Variants in EXOSC2 observed in about 807,000 individuals in gnomAD.
EXOSC2 encodes exosome component 2, also known as exosome complex component RRP4.
EXOSC2 carries 29 observed loss-of-function variants against 37.6 expected under a neutral mutation model. The ratio of observed to expected loss-of-function variants is 0.77; its 90% CI spans 0.57 to 1.05. The LOEUF (loss-of-function observed/expected upper bound fraction) is 1.05, where lower values mean the gene tolerates loss of function less well. Among genes scored for constraint, EXOSC2 ranks in the 50% least tolerant of loss-of-function variants. The pLI is 0.00. For synonymous variants in EXOSC2, 119 were observed against 131.1 expected (o/e 0.91, Z 0.63); for missense variants, 346 against 365.6 (o/e 0.95, Z 0.44).
At position 130,704,002 on chromosome 9, in the gene EXOSC2, G is replaced by C. The variant is rs1488467688; in HGVS notation, c.*228G>C. ...TTGCCAGCTGAGTCCCGGTATTAGGGAATAGTTTCAGCTCTTTCAAAGTGC... is the reference window on the plus strand; with the variant it reads ...TTGCCAGCTGAGTCCCGGTATTAGGCAATAGTTTCAGCTCTTTCAAAGTGC... On this transcript the variant is annotated 3_prime_UTR_variant, in exon 9 of 9. Coordinates refer to ENST00000372358, the MANE Select transcript of EXOSC2 (RefSeq NM_014285.7). 2.6e-6 allele frequency: 1 copy of C among 390,670 alleles called. No individual in the cohort carries two copies. Among genetic ancestry groups the C allele is most frequent in the African/African-American group, 2.1e-5 (1 of 48,628 alleles). 24.2% of individuals were successfully genotyped at this position (390,670 alleles called of 1,614,324 possible).
At chr9:130,700,156 A>G (rs1477457481) in intron 5 of EXOSC2, among the ~76,000 whole-genome samples, 1 of 151,014 alleles carries the variant, frequency 6.6e-6, no homozygotes, top group Admixed American at 6.6e-5. Flanking sequence ...CCAAATAGCT[A>G]GGATTACCGG....
At position 130,698,292 on chromosome 9, in the gene EXOSC2, G is replaced by A; in HGVS notation, c.360+41G>A. On this transcript the variant is annotated intron_variant, in intron 4 of 8. Coordinates refer to ENST00000372358, the MANE Select transcript of EXOSC2 (RefSeq NM_014285.7). This position sits in a 1 kb window ranked among gnomAD's most constrained non-coding sequence, Gnocchi z 4.1. ...GGGGCCATGGACTAGGGCCCAGTGG[G>A]CTGGGGGGAGCCGTGGGACCCTTTG... is the stretch of plus-strand genomic sequence containing the variant. The A allele has an allele frequency of 6.3e-7, 1 of 1,575,912 alleles. No homozygotes were observed. The highest frequency in any genetic ancestry group is 8.7e-7 in the Non-Finnish European group (1 of 1,147,298).
At chr9:130,701,669 C>G in intron 6 of EXOSC2, 2 of 952,492 alleles carry the variant, frequency 2.1e-6, no homozygotes, top group Non-Finnish European at 2.5e-6. Flanking sequence ...TTGAGCTGTC[C>G]TGCCAGGACC....
rs1396290352 is a variant in EXOSC2 at position 130,694,365 on chromosome 9, A to T, written c.122+452A>T. On this transcript the variant is annotated intron_variant, in intron 1 of 8. Coordinates refer to ENST00000372358, the MANE Select transcript of EXOSC2 (RefSeq NM_014285.7). The surrounding 1 kb of genome is among the most constrained non-coding windows in gnomAD (Gnocchi z 4.0). ...TTGTGCTGCATGCACCCATTTATACACATTTTGAATCTAAGGGGTGTAGTG... is the reference window on the plus strand; with the variant it reads ...TTGTGCTGCATGCACCCATTTATACTCATTTTGAATCTAAGGGGTGTAGTG... 6.6e-6 allele frequency among the ~76,000 whole-genome samples: 1 copy of T among 152,054 alleles called. No homozygotes were observed. The highest frequency in any genetic ancestry group is 6.6e-5 in the Admixed American group (1 of 15,262).
At chr9:130,703,280 T>C in intron 8 of EXOSC2, 99 bp downstream of exon 8, 1 of 1,390,910 alleles carries the variant, frequency 7.2e-7, no homozygotes, top group Non-Finnish European at 9.7e-7. Flanking sequence ...TTTCCCAACA[T>C]CCGTCAGTAT....
intron 2 of EXOSC2, among the ~76,000 whole-genome samples, chr9:130,696,792 T>A (rs2132629406): frequency 6.6e-6 from 1 of 151,650 alleles, no homozygotes; most frequent in African/African-American, 2.4e-5. Context: ...TCCTGGAGCG[T>A]GAGAGAGAGA....
rs752883972 is a variant in EXOSC2, at chr9:130,697,640, T to C, written c.270+13T>C. 6.8e-6 allele frequency: 11 copies of C among 1,613,564 alleles called. No homozygotes were observed. In the East Asian group the frequency reaches 8.9e-5, roughly 13 times the overall value. On this transcript the variant is annotated intron_variant, in intron 3 of 8. Coordinates refer to ENST00000372358, the MANE Select transcript of EXOSC2 (RefSeq NM_014285.7). ...ACGAATCACAGAGGTAACGTCGATA[T>C]CAGATTGGTGTTTACAAAGTCGAGG...
chr9:130,694,632 AT>A lies in EXOSC2; in HGVS notation c.122+726del, dbSNP rs1564254383. On this transcript the variant is annotated intron_variant, in intron 1 of 8. Transcript: ENST00000372358. This position sits in a 1 kb window ranked among gnomAD's most constrained non-coding sequence, Gnocchi z 4.0. Reference sequence around the variant, plus strand: ...TAGTGTTTCAACCTTTATTATTATTATTTTTTTACTTGTATATGTACAAGGG... The same window carrying A: ...TAGTGTTTCAACCTTTATTATTATTATTTTTTACTTGTATATGTACAAGGG... Among the ~76,000 whole-genome samples, 1 of 152,038 alleles carries A rather than the reference AT, an allele frequency of 6.6e-6. No homozygotes were observed. The highest frequency in any genetic ancestry group is 1.5e-5 in the Non-Finnish European group (1 of 67,988).
At position 130,695,479 on chromosome 9, in the gene EXOSC2, C is replaced by T. The variant is rs754110717; in HGVS notation, c.123-13C>T. 27 of 1,607,208 alleles carry T rather than the reference C, an allele frequency of 1.7e-5. No homozygotes were observed. Among genetic ancestry groups the T allele is most frequent in the East Asian group, 2.2e-5 (1 of 44,860 alleles). ...CCCTCGTATCCTTTCTTTGTATCTT[C>T]GCCTTGCATCAGGGGCCATGGAACG... On this transcript the variant is annotated splice_polypyrimidine_tract_variant and intron_variant, in intron 1 of 8. Coordinates refer to ENST00000372358, the MANE Select transcript of EXOSC2 (RefSeq NM_014285.7).
At chr9:130,700,318 C>T (rs1831184799) in intron 5 of EXOSC2, among the ~76,000 whole-genome samples, 1 of 149,620 alleles carries the variant, frequency 6.7e-6, no homozygotes, top group Non-Finnish European at 1.5e-5. Context: ...CATGCCTGGC[C>T]TCTGTCTTTA....
At chr9:130,701,856 T>C (rs1179976847) in intron 6 of EXOSC2, 2 of 1,185,276 alleles carry the variant, frequency 1.7e-6, no homozygotes, top group East Asian at 4.6e-5. Flanking sequence ...TTCTCTAATG[T>C]CTGGCACATG....
Position 130,698,182 on chromosome 9 carries a change from G to A in EXOSC2, c.291G>A (p.Lys97=). 1 of 1,614,148 alleles carries A rather than the reference G, an allele frequency of 6.2e-7. No individual in the cohort carries two copies. The highest frequency in any genetic ancestry group is 8.5e-7 in the Non-Finnish European group (1 of 1,180,022). Residue 97 remains lysine (K), a synonymous_variant, in exon 4 of 9, where the codon AAG becomes AAA. Transcript: ENST00000372358. This position sits in a 1 kb window ranked among gnomAD's most constrained non-coding sequence, Gnocchi z 4.1. ...RITEVQQKRW[K]VETNSRLDSV... ...TATAGGTTCAACAGAAGAGGTGGAA[G>A]GTGGAGACCAACTCCAGGCTGGATT... is the stretch of plus-strand genomic sequence containing the variant.
At chr9:130,699,460 T>C in intron 5 of EXOSC2, 66 bp downstream of exon 5, 2 of 1,451,510 alleles carry the variant, frequency 1.4e-6, no homozygotes, top group South Asian at 1.1e-5. Flanking sequence ...GGGCCTTCCA[T>C]TGTATGTCTC....
rs1831046287 is a variant in EXOSC2 at position 130,694,383 on chromosome 9, G to A, written c.122+470G>A. On this transcript the variant is annotated intron_variant, in intron 1 of 8. Transcript: ENST00000372358. This position sits in a 1 kb window ranked among gnomAD's most constrained non-coding sequence, Gnocchi z 4.0. ...TTTATACACATTTTGAATCTAAGGG[G>A]TGTAGTGCAGTGTATTGTGGTTAAG... 6.6e-6 allele frequency among the ~76,000 whole-genome samples: 1 copy of A among 152,168 alleles called. No homozygotes were observed. The highest frequency in any genetic ancestry group is 2.4e-5 in the African/African-American group (1 of 41,416).
rs1449782003 is a variant in EXOSC2, at chr9:130,701,052, G to T, written c.495+117G>T. 5.7e-5 allele frequency: 52 copies of T among 907,506 alleles called. 1 individual carries two copies. The East Asian group carries it at 1.2e-3, about 21-fold the overall frequency. 56.2% of individuals were successfully genotyped at this position (907,506 alleles called of 1,614,324 possible). ...ACCCCAGTAGCTAAGCATTAATAGA[G>T]GCTGGCATCCCACAAACTGATCGTG... On this transcript the variant is annotated intron_variant, in intron 6 of 8. Coordinates refer to ENST00000372358, the MANE Select transcript of EXOSC2 (RefSeq NM_014285.7).
At chr9:130,699,066 C>G (rs915207492) in intron 4 of EXOSC2, among the ~76,000 whole-genome samples, 1 of 152,052 alleles carries the variant, frequency 6.6e-6, no homozygotes, top group Non-Finnish European at 1.5e-5. Context: ...GAAATGTTGG[C>G]TAGGTGAGAT....
At chr9:130,701,616 A>C in intron 6 of EXOSC2, 1 of 986,816 alleles carries the variant, frequency 1.0e-6, no homozygotes, top group Non-Finnish European at 1.2e-6. Context: ...GCTGACTTTC[A>C]CAACCCTGGG....
Position 130,703,897 on chromosome 9 carries a change from T to G in EXOSC2, c.*123T>G. 1 of 778,464 alleles carries G rather than the reference T, an allele frequency of 1.3e-6. No homozygotes were observed. The highest frequency in any genetic ancestry group is 2.1e-6 in the Non-Finnish European group (1 of 487,206). 48.2% of individuals were successfully genotyped at this position (778,464 alleles called of 1,614,324 possible). ...CCCTTTGTCTGCATTGACGGCCCTG[T>G]GACGGCCTCCAGCCCACAGGCCTGC... On this transcript the variant is annotated 3_prime_UTR_variant, in exon 9 of 9. Transcript: ENST00000372358.
rs201749338 is a variant in EXOSC2, at chr9:130,698,201, C to T, written c.310C>T (p.Leu104=). Reference sequence around the variant, plus strand: ...GTGGAAGGTGGAGACCAACTCCAGGCTGGATTCGGTCTTGCTGCTCTCGTC... The same window carrying T: ...GTGGAAGGTGGAGACCAACTCCAGGTTGGATTCGGTCTTGCTGCTCTCGTC... ...KRWKVETNSR[L]DSVLLLSSMN... is the part of the protein sequence containing the mutation. The change falls in exon 4 of 9, where the codon CTG becomes TTG. Residue 104 remains leucine, a synonymous_variant. Transcript: ENST00000372358. This position sits in a 1 kb window ranked among gnomAD's most constrained non-coding sequence, Gnocchi z 4.1. 1.2e-6 allele frequency: 2 copies of T among 1,614,154 alleles called. No individual in the cohort carries two copies. The highest frequency in any genetic ancestry group is 4.5e-5 in the East Asian group (2 of 44,878).
Sources: allele counts gnomAD v4.1 joint callset (sites outside exome capture counted in the v4.1 genomes callset), GRCh38; gene constraint gnomAD v4.1.1; non-coding constraint Gnocchi (gnomAD v3.1); transcripts MANE v1.5; gene names NCBI Gene and HGNC (gene_info 2026-07-23, HGNC 2026-07-21).